LOC400499: variants seen among roughly 807,000 people sequenced by gnomAD.
the LOC400499 span, chr16:11,449,071 G>A: frequency 1.3e-6 from 2 of 1,483,288 alleles, no homozygotes; most frequent in Non-Finnish European, 1.8e-6. Flanking sequence ...CTCCAGCTGT[G>A]GAAGAGGCTC....
chr16:11,451,727 G>T, the LOC400499 span, among the ~76,000 whole-genome samples: 1 of 152,202 alleles, frequency 6.6e-6, no homozygotes, highest in African/African-American at 2.4e-5. Context: ...AGACAAGGGG[G>T]AGTTGATCAA....
the LOC400499 span, among the ~76,000 whole-genome samples, chr16:11,496,423 C>T: frequency 3.9e-5 from 6 of 152,194 alleles, no homozygotes; most frequent in Admixed American, 2.0e-4. Context: ...TGTGTTACTA[C>T]GCTAGGGTGT....
the LOC400499 span, among the ~76,000 whole-genome samples, chr16:11,441,815 G>A: frequency 6.6e-6 from 1 of 152,164 alleles, no homozygotes; most frequent in East Asian, 1.9e-4. Context: ...ACTCTCCTCT[G>A]GAGCCTCCAG....
At chr16:11,461,999 G>T in the LOC400499 span, 2 of 947,538 alleles carry the variant, frequency 2.1e-6, no homozygotes, top group Non-Finnish European at 2.9e-6. Flanking sequence ...ATCTGCCCTT[G>T]GATGGGATGT....
the LOC400499 span, among the ~76,000 whole-genome samples, chr16:11,439,787 G>T: frequency 6.6e-6 from 1 of 151,992 alleles, no homozygotes; most frequent in Non-Finnish European, 1.5e-5. Context: ...ATCCTGGATG[G>T]GGGGCTGGGA....
chr16:11,442,595 C>G, the LOC400499 span: 11 of 152,222 alleles, frequency 7.2e-5, no homozygotes, highest in Admixed American at 7.2e-4. Flanking sequence ...TCAGTCAGAC[C>G]CTGTTGTTGT....
chr16:11,432,862 A>T, the LOC400499 span, among the ~76,000 whole-genome samples: 1 of 152,230 alleles, frequency 6.6e-6, no homozygotes, highest in Admixed American at 6.5e-5. Context: ...CTCAGAGCCA[A>T]ATCTTCAGCT....
the LOC400499 span, among the ~76,000 whole-genome samples, chr16:11,509,422 C>T: frequency 1.3e-5 from 2 of 151,530 alleles, no homozygotes; most frequent in East Asian, 3.9e-4. Context: ...CCAGCCAACA[C>T]TGAGTATCCT....
At chr16:11,406,804 T>C in the LOC400499 span, among the ~76,000 whole-genome samples, 2 of 152,224 alleles carry the variant, frequency 1.3e-5, no homozygotes, top group Non-Finnish European at 2.9e-5. Context: ...CAGTGGGGCC[T>C]TTCCTGGCCA....
the LOC400499 span, among the ~76,000 whole-genome samples, chr16:11,431,836 T>C: frequency 6.6e-6 from 1 of 152,198 alleles, no homozygotes; most frequent in Non-Finnish European, 1.5e-5. Flanking sequence ...ACACGTGAGA[T>C]CTATGTCCTC....
chr16:11,481,584 A>G, the LOC400499 span, among the ~76,000 whole-genome samples: 3 of 151,972 alleles, frequency 2.0e-5, no homozygotes, highest in Non-Finnish European at 4.4e-5. Context: ...CAGCCTCCCA[A>G]AGTGCTGGGA....
the LOC400499 span, among the ~76,000 whole-genome samples, chr16:11,458,572 C>T: frequency 6.6e-6 from 1 of 151,706 alleles, no homozygotes; most frequent in Non-Finnish European, 1.5e-5. Context: ...GTCAAAAATC[C>T]GAAACAGAAA....
the LOC400499 span, among the ~76,000 whole-genome samples, chr16:11,490,661 A>G: frequency 6.6e-6 from 1 of 152,208 alleles, no homozygotes; most frequent in Non-Finnish European, 1.5e-5. Context: ...AGATCACACC[A>G]CTGCACTCCA....
chr16:11,375,413 A>C, the LOC400499 span, among the ~76,000 whole-genome samples: 1 of 139,050 alleles, frequency 7.2e-6, no homozygotes, highest in Non-Finnish European at 1.5e-5. Context: ...TCCCGTGTTC[A>C]AGCAATTCTC....
the LOC400499 span, among the ~76,000 whole-genome samples, chr16:11,516,459 G>T: frequency 3.9e-5 from 6 of 152,288 alleles, no homozygotes; most frequent in African/African-American, 1.2e-4. Flanking sequence ...GATAGCCTTT[G>T]TTCCCTCTGC....
At chr16:11,383,858 G>A in the LOC400499 span, 3 of 1,232,152 alleles carry the variant, frequency 2.4e-6, no homozygotes, top group East Asian at 6.3e-5. Context: ...AGGGCCTTCT[G>A]CACCCCATGG....
At chr16:11,418,530 T>C in the LOC400499 span, among the ~76,000 whole-genome samples, 1 of 152,182 alleles carries the variant, frequency 6.6e-6, no homozygotes, top group Non-Finnish European at 1.5e-5. Flanking sequence ...TTGCCCTATA[T>C]TGTCTAAAAA....
At chr16:11,476,621 C>A in the LOC400499 span, 1 of 395,650 alleles carries the variant, frequency 2.5e-6, no homozygotes, top group East Asian at 3.6e-5. Flanking sequence ...GCTAATGTCA[C>A]ATCCACACCC....
At chr16:11,450,630 G>T in the LOC400499 span, 1 of 1,535,982 alleles carries the variant, frequency 6.5e-7, no homozygotes, top group African/African-American at 1.4e-5. Flanking sequence ...TGGTAGCTGC[G>T]GTGTAAACCT....
Sources: gnomAD v4.1 joint callset for allele counts (sites outside exome capture counted in the v4.1 genomes callset) on GRCh38, gnomAD v4.1.1 for gene constraint, MANE v1.5 for transcripts.